ADAMTS12: variants seen among roughly 807,000 people sequenced by gnomAD.
ADAMTS12 encodes the protein A disintegrin and metalloproteinase with thrombospondin motifs 12.
ADAMTS12 carries 118 observed loss-of-function variants against 167.8 expected under a neutral mutation model. The ratio of observed to expected loss-of-function variants is 0.70; its 90% CI spans 0.61 to 0.82. The LOEUF is 0.82. ADAMTS12 is among the 40% of genes least tolerant of loss of function. The probability of loss-of-function intolerance (pLI) is 0.00; values close to 1 mark genes in which losing one functional copy is unlikely to be tolerated. For missense variants in ADAMTS12, 1,916 were observed against 1,998.8 expected, an observed-to-expected ratio of 0.96 and a Z score of 0.79; for synonymous variants, 704 against 716.9, an observed-to-expected ratio of 0.98 and a Z score of 0.29.
intron 3 of ADAMTS12, among the ~76,000 whole-genome samples, chr5:33,719,322 G>C (rs933565219): frequency 6.6e-6 from 1 of 152,114 alleles, no homozygotes; most frequent in Non-Finnish European, 1.5e-5. Flanking sequence ...AGAGGACTTT[G>C]TTTCTCCCAA....
At chr5:33,639,665 G>A (rs1015123405) in intron 11 of ADAMTS12, among the ~76,000 whole-genome samples, 7 of 152,204 alleles carry the variant, frequency 4.6e-5, no homozygotes, top group African/African-American at 7.2e-5. Flanking sequence ...CGTCTTCCTT[G>A]ATCCAAAGCC....
intron 2 of ADAMTS12, among the ~76,000 whole-genome samples, chr5:33,800,114 C>T (rs537235169): frequency 4.5e-4 from 68 of 152,140 alleles, no homozygotes; most frequent in Non-Finnish European, 8.1e-4. Context: ...AAAATACAAA[C>T]GCAGTTCTAA....
At chr5:33,790,125 G>A (rs1291084615) in intron 2 of ADAMTS12, among the ~76,000 whole-genome samples, 3 of 152,002 alleles carry the variant, frequency 2.0e-5, no homozygotes, top group Admixed American at 6.5e-5. Flanking sequence ...TCATCCATTC[G>A]AATCAGGTGC....
chr5:33,811,708 A>C (rs550045472), intron 2 of ADAMTS12, among the ~76,000 whole-genome samples: 1 of 152,352 alleles, frequency 6.6e-6, no homozygotes, highest in South Asian at 2.1e-4. Context: ...GGAGGCCATA[A>C]AATGCCTTGT....
intron 19 of ADAMTS12, among the ~76,000 whole-genome samples, chr5:33,563,006 T>A (rs1470158223): frequency 2.0e-5 from 3 of 152,274 alleles, no homozygotes; most frequent in Middle Eastern, 6.8e-3. Context: ...CATAATAGAG[T>A]TCTTAGGTAG....
intron 12 of ADAMTS12, among the ~76,000 whole-genome samples, chr5:33,635,549 T>C (rs575402225): frequency 1.3e-5 from 2 of 152,300 alleles, no homozygotes; most frequent in African/African-American, 4.8e-5. Context: ...GGTTTTCTTG[T>C]GGAGATAAAA....
chr5:33,682,603 G>C (rs1323870970), intron 5 of ADAMTS12, among the ~76,000 whole-genome samples: 1 of 152,150 alleles, frequency 6.6e-6, no homozygotes, highest in East Asian at 1.9e-4. Context: ...AGATAGACAA[G>C]AGGTCCCAAA....
Position 33,616,034 on chromosome 5 carries a change from C to G in ADAMTS12, c.2182G>C (p.Asp728His). 1 of 1,614,172 alleles carries G rather than the reference C, an allele frequency of 6.2e-7. No homozygotes were observed. The highest frequency in any genetic ancestry group is 8.5e-7 in the Non-Finnish European group (1 of 1,180,016). Residue 728 changes from aspartate (D) to histidine (H), a missense_variant, in exon 15 of 24, where the codon GAC becomes CAC. Physicochemically the swap from Asp to His is moderately conservative, Grantham distance 81. Transcript: ENST00000504830. Reference sequence around the variant, plus strand: ...CCCTCAATTTCCATCACTCTTATGTCCCTTGCTCCTTTTGGAATGAGCCCA... The same window carrying G: ...CCCTCAATTTCCATCACTCTTATGTGCCTTGCTCCTTTTGGAATGAGCCCA... ...DIGLIPKGAR[D>H]IRVMEIEGAG...
chr5:33,850,454 T>C (rs1749180916), intron 2 of ADAMTS12, among the ~76,000 whole-genome samples: 1 of 152,172 alleles, frequency 6.6e-6, no homozygotes, highest in Admixed American at 6.5e-5. Context: ...CAGCCCCTTT[T>C]ACAATCTCAG....
chr5:33,681,897 C>T (rs887414778), intron 5 of ADAMTS12, among the ~76,000 whole-genome samples: 1 of 152,106 alleles, frequency 6.6e-6, no homozygotes, highest in African/African-American at 2.4e-5. Flanking sequence ...CACCACAGGT[C>T]ACAGCAAGAA....
chr5:33,824,325 G>A (rs1397657558), intron 2 of ADAMTS12, among the ~76,000 whole-genome samples: 2 of 152,140 alleles, frequency 1.3e-5, no homozygotes, highest in Non-Finnish European at 1.5e-5. Context: ...GGGGACTTAC[G>A]GGTTTGCAGC....
At chr5:33,661,380 C>T (rs903831256) in intron 6 of ADAMTS12, among the ~76,000 whole-genome samples, 1 of 152,138 alleles carries the variant, frequency 6.6e-6, no homozygotes, top group Non-Finnish European at 1.5e-5. Flanking sequence ...GTGATTAGAA[C>T]AAAATGATAT....
intron 18 of ADAMTS12, among the ~76,000 whole-genome samples, chr5:33,585,593 G>A (rs1747304792): frequency 6.6e-6 from 1 of 152,208 alleles, no homozygotes; most frequent in Non-Finnish European, 1.5e-5. Context: ...GCATGTCCCT[G>A]AAATGGTGTA....
rs114922992 is a variant in ADAMTS12, at chr5:33,672,699, C to T, written c.915+10319G>A. On this transcript the variant is annotated intron_variant, in intron 5 of 23. Transcript: ENST00000504830. The stretch of plus-strand genomic sequence containing the variant: ...CGAATGTTTACAAAGGTCCAGTCTC[C>T]CACATTCCTGAACCAAATTCAGTGT... 8.4e-3 allele frequency among the ~76,000 whole-genome samples: 1,275 copies of T among 152,260 alleles called. 29 individuals are homozygous for T. The highest frequency in any genetic ancestry group is 0.029 in the African/African-American group (1,218 of 41,542).
At chr5:33,736,804 G>A (rs10941084) in intron 3 of ADAMTS12, among the ~76,000 whole-genome samples, 77,305 of 152,080 alleles carry the variant, frequency 0.51, 22,413 homozygotes, top group Non-Finnish European at 0.66. Flanking sequence ...GGAACAGCAG[G>A]GTAAGCCCTA....
At position 33,534,889 on chromosome 5, in the gene ADAMTS12, T is replaced by C. The variant is rs79764295; in HGVS notation, c.4550A>G (p.Lys1517Arg). Reference protein sequence around the residue: ...EDQDQCLCDHKPRPPEFKKCN... With the variant: ...EDQDQCLCDHRPRPPEFKKCN... ...TTTTTTGAATTCTGGAGGTCTGGGT[T>C]TGTGATCACATAGACATTGGTCTTG... is the stretch of plus-strand genomic sequence containing the variant. Residue 1517 changes from lysine (K) to arginine (R), a missense_variant, in exon 23 of 24, where the codon AAA becomes AGA. Transcript: ENST00000504830. 1,030 of 1,614,146 alleles carry C rather than the reference T, an allele frequency of 6.4e-4. 8 individuals carry two copies. In the African/African-American group the frequency reaches 0.013, roughly 20 times the overall value.
At chr5:33,687,605 C>T (rs1742381722) in intron 3 of ADAMTS12, among the ~76,000 whole-genome samples, 2 of 152,174 alleles carry the variant, frequency 1.3e-5, no homozygotes, top group African/African-American at 4.8e-5. Flanking sequence ...ATTGTCATCA[C>T]TGGGGTTCAA....
intron 3 of ADAMTS12, among the ~76,000 whole-genome samples, chr5:33,686,816 A>G (rs949798797): frequency 6.6e-6 from 1 of 150,580 alleles, no homozygotes; most frequent in Admixed American, 6.6e-5. Context: ...AGAGAGGGAG[A>G]GAGATGTATA....
intron 3 of ADAMTS12, among the ~76,000 whole-genome samples, chr5:33,730,146 A>T (rs898902488): frequency 1.3e-5 from 2 of 152,244 alleles, no homozygotes; most frequent in Non-Finnish European, 2.9e-5. Context: ...TTACAGATCA[A>T]ATATGAAATC....
Sources: gnomAD v4.1 joint callset for allele counts (sites outside exome capture counted in the v4.1 genomes callset) on GRCh38, gnomAD v4.1.1 for gene constraint, MANE v1.5 for transcripts, NCBI Gene and HGNC (gene_info 2026-07-23, HGNC 2026-07-21) for gene names.